Variants in ANKMY1 observed in about 807,000 individuals in gnomAD.
The protein encoded by ANKMY1 is ankyrin repeat and MYND domain-containing protein 1.
ANKMY1 carries 98 observed loss-of-function variants against 102.0 expected under a neutral mutation model. The observed-to-expected ratio is 0.96, with a 90% CI of 0.82 to 1.14. The LOEUF (loss-of-function observed/expected upper bound fraction) is 1.14, where lower values mean the gene tolerates loss of function less well. ANKMY1 is among the 50% of genes most tolerant of loss of function. The pLI, the probability that ANKMY1 is intolerant of heterozygous loss-of-function variation, is 0.00. For missense variants in ANKMY1, 1,330 were observed against 1,347.6 expected (o/e 0.99, Z 0.20); for synonymous variants, 582 against 559.9 (o/e 1.04, Z -0.56).
At chr2:240,536,638 A>T (rs1381978057) in intron 4 of ANKMY1, among the ~76,000 whole-genome samples, 1 of 152,244 alleles carries the variant, frequency 6.6e-6, no homozygotes, top group Non-Finnish European at 1.5e-5. Flanking sequence ...ACAATTGAGC[A>T]GTAACATAAG....
chr2:240,517,189 C>T (rs1190448511), intron 9 of ANKMY1, among the ~76,000 whole-genome samples: 2 of 152,174 alleles, frequency 1.3e-5, no homozygotes, highest in East Asian at 3.8e-4. Context: ...ACTGGAATGG[C>T]ACATTTTCAG....
Position 240,499,919 on chromosome 2 carries a change from C to A in ANKMY1, c.2806+39G>T, listed in dbSNP as rs747611229. ...AGCCCCAGGCACGAGGCCGGAACGC[C>A]GCCCTGTGGAGCAGAGCAGAGCAGG... is the stretch of plus-strand genomic sequence containing the variant. On this transcript the variant is annotated intron_variant, in intron 15 of 17. Coordinates refer to ENST00000401804, the MANE Select transcript of ANKMY1 (RefSeq NM_001282771.3). The surrounding 1 kb of genome is among the most constrained non-coding windows in gnomAD (Gnocchi z 4.2). The A allele has an allele frequency of 1.3e-6, 2 of 1,572,228 alleles. No individual in the cohort carries two copies. Among genetic ancestry groups the A allele is most frequent in the South Asian group, 2.3e-5 (2 of 87,444 alleles).
intron 2 of ANKMY1, 74 bp from the exon 3 acceptor site, chr2:240,555,129 CCGAGCACAACCCA>C: frequency 2.7e-6 from 4 of 1,471,930 alleles, no homozygotes; most frequent in Non-Finnish European, 3.8e-6. Context: ...AGCACAACCC[CCGAGCACAACCCA>C]GCATCTCATT....
intron 8 of ANKMY1, chr2:240,521,928 G>C (rs2082364284): frequency 6.6e-6 from 1 of 152,174 alleles, no homozygotes; most frequent in South Asian, 2.1e-4. Context: ...AGGTGATGCG[G>C]ACCAAAAAGT....
At chr2:240,510,425 T>C (rs1325425302) in intron 11 of ANKMY1, among the ~76,000 whole-genome samples, 3 of 151,614 alleles carry the variant, frequency 2.0e-5, no homozygotes, top group Admixed American at 2.0e-4. Flanking sequence ...GAACGTCCCA[T>C]TGTGCAATCC....
chr2:240,476,002 C>G (rs953519316), downstream of ANKMY1, among the ~76,000 whole-genome samples: 1 of 151,964 alleles, frequency 6.6e-6, no homozygotes, highest in African/African-American at 2.4e-5. Flanking sequence ...CAAAAACAAT[C>G]TTAAAATTTG....
At chr2:240,486,507 T>G (rs191397875) in intron 15 of ANKMY1, among the ~76,000 whole-genome samples, 23 of 152,366 alleles carry the variant, frequency 1.5e-4, no homozygotes, top group African/African-American at 5.5e-4. Flanking sequence ...TTACTTGCTT[T>G]CAAAATACCT....
intron 4 of ANKMY1, 64 bp downstream of exon 4, chr2:240,552,850 T>C: frequency 6.8e-6 from 11 of 1,609,536 alleles, no homozygotes; most frequent in Non-Finnish European, 9.3e-6. Context: ...AATATCTTTT[T>C]GTCCAGTGGC....
upstream of ANKMY1, chr2:240,560,882 G>A: frequency 6.7e-7 from 1 of 1,501,256 alleles, no homozygotes; most frequent in Non-Finnish European, 8.8e-7. Context: ...TGGCAGAGCT[G>A]CGCGTGCCCG....
chr2:240,478,619 G>C (rs1440684235), downstream of ANKMY1, among the ~76,000 whole-genome samples: 1 of 152,088 alleles, frequency 6.6e-6, no homozygotes, highest in East Asian at 1.9e-4. Context: ...CCAGCGGTCA[G>C]CTTGTCCCTC....
Position 240,512,020 on chromosome 2 carries a change from T to C in ANKMY1, c.2146-19A>G. The C allele has an allele frequency of 6.6e-7, 1 of 1,521,374 alleles. No individual in the cohort carries two copies. Among genetic ancestry groups the C allele is most frequent in the Admixed American group, 2.4e-5 (1 of 41,296 alleles). The allele number at this position is 1,521,374 out of a possible 1,614,324, so 94.2% of individuals were successfully genotyped here. ...GGTCCAGCTGTGTAAAACGGAGGGC[T>C]CCGCCAGCGCCCACGGACCTGCCGT... is the stretch of plus-strand genomic sequence containing the variant. On this transcript the variant is annotated intron_variant, in intron 10 of 17. Coordinates refer to ENST00000401804, the MANE Select transcript of ANKMY1 (RefSeq NM_001282771.3).
intron 4 of ANKMY1, among the ~76,000 whole-genome samples, chr2:240,551,136 C>T (rs893630655): frequency 2.0e-5 from 3 of 150,440 alleles, no homozygotes; most frequent in African/African-American, 7.3e-5. Flanking sequence ...TAACAGAACA[C>T]TGGAATGCTT....
chr2:240,529,044 TG>T lies in ANKMY1; in HGVS notation c.945del (p.Tyr315Ter), dbSNP rs1462265049. 1 of 1,613,828 alleles carries T rather than the reference TG, an allele frequency of 6.2e-7. No individual in the cohort carries two copies. Among genetic ancestry groups the T allele is most frequent in the Non-Finnish European group, 8.5e-7 (1 of 1,179,796 alleles). ...PLLVKIQKQT[Y>X]KFRNKPAHTS... ...CAGTAGCAGACTAGTCACCTGAACT[TG>T]TAAGTTTGCTTCTGGATTTTGACCA... is the stretch of plus-strand genomic sequence containing the variant. On this transcript the variant is annotated frameshift_variant, in exon 5 of 18. Transcript: ENST00000401804. LOFTEE classifies it high-confidence loss of function. This position sits in a 1 kb window ranked among gnomAD's most constrained non-coding sequence, Gnocchi z 4.2.
intron 4 of ANKMY1, among the ~76,000 whole-genome samples, chr2:240,533,464 A>G (rs143089356): frequency 0.012 from 1,808 of 152,328 alleles, 13 homozygotes; most frequent in Non-Finnish European, 0.019. Context: ...TATTTTTTAA[A>G]AATATTTTTA....
At chr2:240,541,468 C>A (rs576769812) in intron 4 of ANKMY1, among the ~76,000 whole-genome samples, 4 of 150,704 alleles carry the variant, frequency 2.7e-5, no homozygotes, top group African/African-American at 9.7e-5. Context: ...AATGGGAAAG[C>A]AAGATTGAGT....
chr2:240,492,440 G>T (rs774906620), intron 15 of ANKMY1, among the ~76,000 whole-genome samples: 41 of 152,028 alleles, frequency 2.7e-4, no homozygotes, highest in Non-Finnish European at 5.4e-4. Context: ...TTGTCTGATT[G>T]GATTATTTCA....
intron 13 of ANKMY1, among the ~76,000 whole-genome samples, chr2:240,505,838 G>A (rs2078982471): frequency 6.6e-6 from 1 of 152,200 alleles, no homozygotes; most frequent in Admixed American, 6.5e-5. Flanking sequence ...GGATGCCCCA[G>A]AAAGCCAGGC....
chr2:240,512,419 G>A (rs909317593), intron 10 of ANKMY1, among the ~76,000 whole-genome samples: 2 of 152,240 alleles, frequency 1.3e-5, no homozygotes, highest in African/African-American at 4.8e-5. Flanking sequence ...GGCAGGGCCT[G>A]GTGGGACAGG....
chr2:240,500,021 G>A lies in ANKMY1; in HGVS notation c.2743C>T (p.Arg915Trp), dbSNP rs141751996. 3.4e-5 allele frequency: 55 copies of A among 1,612,942 alleles called. No individual in the cohort carries two copies. The highest frequency in any genetic ancestry group is 6.7e-5 in the East Asian group (3 of 44,888). The change falls in exon 15 of 18, where the codon CGG becomes TGG. Residue 915 changes from arginine to tryptophan, a missense_variant. Coordinates refer to ENST00000401804, the MANE Select transcript of ANKMY1 (RefSeq NM_001282771.3). ...CTCTCCTTGGCAAAGACAGCCTGCC[G>A]TAGCTGCAAGCCCATGTACTCCAGG... ...RLLEYMGLQL[R>W]QAVFAKESQW...
Sources: gnomAD v4.1 joint callset for allele counts (sites outside exome capture counted in the v4.1 genomes callset) on GRCh38, gnomAD v4.1.1 for gene constraint, Gnocchi (gnomAD v3.1) non-coding constraint, MANE v1.5 for transcripts, NCBI Gene and HGNC (gene_info 2026-07-23, HGNC 2026-07-21) for gene names.